The following SIK3 variants were observed in gnomAD, a reference collection of about 807,000 sequenced individuals.
The protein encoded by SIK3 is serine/threonine-protein kinase SIK3.
Under a neutral mutation model 144.2 loss-of-function variants are expected in SIK3, and 28 were observed. The ratio of observed to expected loss-of-function variants is 0.19; its 90% CI spans 0.14 to 0.27. The LOEUF (loss-of-function observed/expected upper bound fraction) is 0.27, where lower values mean the gene tolerates loss of function less well. Among genes scored for constraint, SIK3 ranks in the 10% least tolerant of loss-of-function variants. The pLI, the probability that SIK3 is intolerant of heterozygous loss-of-function variation, is 1.00. For synonymous variants in SIK3, 686 were observed against 676.3 expected (o/e 1.01, Z -0.22); for missense variants, 1,319 against 1,776.0 (o/e 0.74, Z 4.62).
intron 17 of SIK3, 39 bp from the exon 18 acceptor site, chr11:116,861,965 G>T: frequency 6.9e-7 from 1 of 1,442,198 alleles, no homozygotes; most frequent in Non-Finnish European, 9.6e-7. Flanking sequence ...ATTATTGTGA[G>T]CTTGAAGATT....
intron 3 of SIK3, 131 bp from the exon 4 acceptor site, chr11:116,927,511 C>T (rs112428499): frequency 6.8e-6 from 5 of 733,400 alleles, no homozygotes; most frequent in South Asian, 1.8e-5. Context: ...GAGAGAACAA[C>T]ACATTGATAG....
intron 3 of SIK3, among the ~76,000 whole-genome samples, chr11:116,950,982 A>G (rs1474541508): frequency 1.3e-5 from 2 of 152,234 alleles, no homozygotes; most frequent in East Asian, 3.8e-4. Context: ...AAGGCAGGTC[A>G]GCAGAGCTCC....
chr11:116,878,361 G>A (rs1299447463), intron 6 of SIK3, among the ~76,000 whole-genome samples: 1 of 150,898 alleles, frequency 6.6e-6, no homozygotes, highest in Non-Finnish European at 1.5e-5. Context: ...GGCCTCCAAG[G>A]CTCCTACTTC....
chr11:117,038,409 T>C (rs939095008), intron 1 of SIK3, among the ~76,000 whole-genome samples: 1 of 149,072 alleles, frequency 6.7e-6, no homozygotes, highest in South Asian at 2.1e-4. Flanking sequence ...CAGGCTGGAG[T>C]GCAGTGGTGC....
rs764373928 is a variant in SIK3, at chr11:116,863,759, C to T, written c.2012G>A (p.Arg671His). Residue 671 changes from arginine to histidine, a missense_variant, in exon 16 of 25, where the codon CGC becomes CAC. Around this residue, in one of 8 missense-constraint regions of SIK3, gnomAD observed 77 missense variants for 141.9 expected, o/e 0.54. Coordinates refer to ENST00000445177, the MANE Select transcript of SIK3 (RefSeq NM_001366686.3). ...HLPTERFSPVRRFSDGAASIQ... is the reference protein window; with the variant it reads ...HLPTERFSPVHRFSDGAASIQ... ...GCTCGCAGCCCCATCTGAGAACCGGCGCACAGGGGAGAAACGCTCCGTAGG... is the reference window on the plus strand; with the variant it reads ...GCTCGCAGCCCCATCTGAGAACCGGTGCACAGGGGAGAAACGCTCCGTAGG... 2.5e-6 allele frequency: 4 copies of T among 1,614,072 alleles called. No homozygotes were observed. Among genetic ancestry groups the T allele is most frequent in the Admixed American group, 1.7e-5 (1 of 60,012 alleles).
rs1268238816 is a variant in SIK3 at position 116,846,340 on chromosome 11, T to C, written c.*13+43A>G. On this transcript the variant is annotated intron_variant, in intron 24 of 24. Transcript: ENST00000445177. This position sits in a 1 kb window ranked among gnomAD's most constrained non-coding sequence, Gnocchi z 4.1. ...TCCTGATGGGATTGGGAGCAGGCAC[T>C]GGGCCACAGGGCTGGTTTGGCTCTG... 2.3e-5 allele frequency: 37 copies of C among 1,591,346 alleles called. No homozygotes were observed. In the East Asian group the frequency reaches 7.4e-4, roughly 32 times the overall value.
chr11:116,969,118 G>A (rs980638068), intron 1 of SIK3, among the ~76,000 whole-genome samples: 4 of 151,782 alleles, frequency 2.6e-5, no homozygotes, highest in African/African-American at 7.3e-5. Context: ...GTGAAACCTC[G>A]TCTCTACTGA....
At chr11:116,966,730 A>C (rs1949561343) in intron 1 of SIK3, among the ~76,000 whole-genome samples, 1 of 152,080 alleles carries the variant, frequency 6.6e-6, no homozygotes, top group Non-Finnish European at 1.5e-5. Context: ...TGGGAAATTA[A>C]ACTATAAAAA....
rs190596678 is a variant in SIK3, at chr11:117,049,303, C to T, written c.273+48840G>A. Among the ~76,000 whole-genome samples, 58 of 152,206 alleles carry T rather than the reference C, an allele frequency of 3.8e-4. 1 individual carries two copies. Among genetic ancestry groups the T allele is most frequent in the African/African-American group, 1.3e-3 (53 of 41,536 alleles). On this transcript the variant is annotated intron_variant, in intron 1 of 24. Transcript: ENST00000445177. The stretch of plus-strand genomic sequence containing the variant: ...TTTAAAAAGATACTTTCCATCTGGA[C>T]GCAGTGGCTCATGACTGTAATCCCA...
At chr11:116,946,358 C>T (rs1948587990) in intron 3 of SIK3, among the ~76,000 whole-genome samples, 1 of 150,688 alleles carries the variant, frequency 6.6e-6, no homozygotes, top group African/African-American at 2.5e-5. Context: ...AGACAAAAGA[C>T]TTTGTCACTT....
At chr11:116,950,863 G>A (rs1482598372) in intron 3 of SIK3, among the ~76,000 whole-genome samples, 2 of 152,214 alleles carry the variant, frequency 1.3e-5, no homozygotes, top group African/African-American at 4.8e-5. Context: ...TTGCACAGAT[G>A]TTCTTGAATA....
chr11:117,007,234 C>T (rs1286592685), intron 1 of SIK3, among the ~76,000 whole-genome samples: 2 of 152,016 alleles, frequency 1.3e-5, no homozygotes, highest in African/African-American at 2.4e-5. Context: ...AAAAATTATC[C>T]GGGCTGGGTG....
At chr11:116,865,673 C>T (rs1175064087) in intron 15 of SIK3, among the ~76,000 whole-genome samples, 2 of 152,092 alleles carry the variant, frequency 1.3e-5, no homozygotes, top group Admixed American at 1.3e-4. Flanking sequence ...GTTGATTAGA[C>T]CACTCTTCTG....
chr11:116,886,102 G>T (rs943509982), intron 6 of SIK3, among the ~76,000 whole-genome samples: 3 of 152,200 alleles, frequency 2.0e-5, no homozygotes, highest in Non-Finnish European at 4.4e-5. Flanking sequence ...AAATAGGGCA[G>T]TACCACTATT....
At chr11:116,986,528 A>G (rs1201956558) in intron 1 of SIK3, among the ~76,000 whole-genome samples, 1 of 152,208 alleles carries the variant, frequency 6.6e-6, no homozygotes, top group East Asian at 1.9e-4. Flanking sequence ...TCAACAGATG[A>G]CTTAGCTTTG....
intron 1 of SIK3, among the ~76,000 whole-genome samples, chr11:117,084,509 G>A (rs1334228262): frequency 6.6e-6 from 1 of 152,124 alleles, no homozygotes; most frequent in African/African-American, 2.4e-5. Flanking sequence ...CAGGTGATCC[G>A]CCTGCCTGGG....
intron 15 of SIK3, chr11:116,865,167 A>G (rs554704486): frequency 6.6e-6 from 1 of 151,382 alleles, no homozygotes; most frequent in South Asian, 2.1e-4. Context: ...TTGAAGTAGA[A>G]GCAAGTAAGT....
intron 1 of SIK3, among the ~76,000 whole-genome samples, chr11:117,030,901 CT>C (rs1434762301): frequency 1.3e-5 from 2 of 152,194 alleles, no homozygotes; most frequent in African/African-American, 4.8e-5. Flanking sequence ...TCCCTAACGG[CT>C]AATGATGTTG....
intron 1 of SIK3, among the ~76,000 whole-genome samples, chr11:117,087,229 A>C (rs1462313095): frequency 2.0e-5 from 3 of 151,910 alleles, no homozygotes; most frequent in Admixed American, 6.6e-5. Context: ...GGATTACTTG[A>C]GGTCAGGAGT....
Sources: allele counts gnomAD v4.1 joint callset (sites outside exome capture counted in the v4.1 genomes callset), GRCh38; gene constraint gnomAD v4.1.1; regional missense constraint gnomAD v4.1.1; non-coding constraint Gnocchi (gnomAD v3.1); transcripts MANE v1.5; gene names NCBI Gene and HGNC (gene_info 2026-07-23, HGNC 2026-07-21).